Variants in KAT2B observed in about 807,000 individuals in gnomAD.
KAT2B encodes the protein histone acetyltransferase KAT2B.
A neutral mutation model predicts 105.9 loss-of-function variants in KAT2B; 36 were observed. That is an observed-to-expected ratio of 0.34 (90% CI 0.26 to 0.45). KAT2B has a LOEUF of 0.45. Ranked by LOEUF, KAT2B falls within the 20% of genes least tolerant of loss-of-function variation. KAT2B has a pLI of 1.00. For synonymous variants in KAT2B, 397 were observed against 377.9 expected, an observed-to-expected ratio of 1.05 and a Z score of -0.59; for missense variants, 820 against 1,021.6, an observed-to-expected ratio of 0.80 and a Z score of 2.69.
At chr3:20,061,377 TA>T (rs1698097531) in intron 1 of KAT2B, among the ~76,000 whole-genome samples, 1 of 152,184 alleles carries the variant, frequency 6.6e-6, no homozygotes, top group African/African-American at 2.4e-5. Flanking sequence ...ATTCATCTCT[TA>T]AGGGATGCTG....
chr3:20,121,736 G>A (rs1231052611), intron 8 of KAT2B, among the ~76,000 whole-genome samples: 1 of 31,656 alleles, frequency 3.2e-5, no homozygotes, highest in Non-Finnish European at 5.9e-5. Context: ...ATGCATATGT[G>A]TGTGTGTGTG....
At chr3:20,111,220 A>G (rs1313307274) in intron 5 of KAT2B, among the ~76,000 whole-genome samples, 4 of 152,208 alleles carry the variant, frequency 2.6e-5, no homozygotes, top group African/African-American at 9.7e-5. Context: ...ACAAGAACCC[A>G]ATGAAGTAGG....
chr3:20,095,517 C>A, intron 3 of KAT2B, 109 bp downstream of exon 3: 1 of 695,500 alleles, frequency 1.4e-6, no homozygotes, highest in Non-Finnish European at 2.4e-6. Context: ...ACATTTTGCC[C>A]TCAGAGTTTG....
intron 11 of KAT2B, among the ~76,000 whole-genome samples, chr3:20,133,436 A>G (rs1198407565): frequency 1.3e-5 from 2 of 152,150 alleles, no homozygotes; most frequent in Non-Finnish European, 2.9e-5. Flanking sequence ...TAATATTACC[A>G]TATTGGATAG....
intron 6 of KAT2B, among the ~76,000 whole-genome samples, 195 bp from the exon 7 acceptor site, chr3:20,114,687 A>G (rs1249045851): frequency 6.6e-6 from 1 of 152,156 alleles, no homozygotes; most frequent in Non-Finnish European, 1.5e-5. Flanking sequence ...AAGAGTAAAC[A>G]TTTGTATAAA....
At chr3:20,069,111 AAAAC>A (rs1698274333) in intron 1 of KAT2B, among the ~76,000 whole-genome samples, 1 of 152,230 alleles carries the variant, frequency 6.6e-6, no homozygotes, top group African/African-American at 2.4e-5. Flanking sequence ...TAACAAGAGA[AAAAC>A]AAAAACAAGT....
intron 7 of KAT2B, 48 bp from the exon 8 acceptor site, chr3:20,119,550 A>G (rs1225563686): frequency 6.2e-7 from 1 of 1,609,904 alleles, no homozygotes; most frequent in South Asian, 1.1e-5. Flanking sequence ...TTGTTACCTA[A>G]GAAAGGAGTC....
intron 9 of KAT2B, among the ~76,000 whole-genome samples, chr3:20,123,644 T>TGTTGTTGAAGGATCAGTTAGGG (rs1699350403): frequency 6.6e-6 from 1 of 152,210 alleles, no homozygotes; most frequent in Non-Finnish European, 1.5e-5. Context: ...TAACCTTTGT[T>TGTTGTTGAAGGATCAGTTAGGG]GTTGTTGAAG....
At chr3:20,046,898 C>A (rs1043215999) in intron 1 of KAT2B, among the ~76,000 whole-genome samples, 1 of 152,142 alleles carries the variant, frequency 6.6e-6, no homozygotes, top group Non-Finnish European at 1.5e-5. Flanking sequence ...CAACTGGCAA[C>A]TAGTGAGTGG....
intron 2 of KAT2B, among the ~76,000 whole-genome samples, chr3:20,090,854 C>G (rs187785398): frequency 6.6e-6 from 1 of 152,232 alleles, no homozygotes; most frequent in Non-Finnish European, 1.5e-5. Flanking sequence ...ATCCTCCAAC[C>G]TCAGCCTCCT....
chr3:20,052,632 C>T (rs764179147), intron 1 of KAT2B, among the ~76,000 whole-genome samples: 1 of 141,734 alleles, frequency 7.1e-6, no homozygotes, highest in African/African-American at 2.6e-5. Context: ...GCCTAGGCTA[C>T]GGAGAGAGAC....
intron 17 of KAT2B, among the ~76,000 whole-genome samples, chr3:20,149,500 A>AAAAAAAAAAAAAAAAAAAAC (rs1699835308): frequency 7.1e-6 from 1 of 141,076 alleles, no homozygotes; most frequent in African/African-American, 2.6e-5. Flanking sequence ...TATCTCAAAA[A>AAAAAAAAAAAAAAAAAAAAC]AAAAAAAAAA....
intron 5 of KAT2B, among the ~76,000 whole-genome samples, chr3:20,110,698 AAAAG>A (rs1278468159): frequency 1.8e-4 from 28 of 151,710 alleles, no homozygotes; most frequent in African/African-American, 5.3e-4. Flanking sequence ...AAAAGAAAGA[AAAAG>A]AAAGAAAAAG....
At chr3:20,151,734 T>C (rs1033180948) in intron 17 of KAT2B, among the ~76,000 whole-genome samples, 22 of 152,316 alleles carry the variant, frequency 1.4e-4, no homozygotes, top group African/African-American at 4.8e-4. Flanking sequence ...AAGGCTTACT[T>C]GCTTTAGAAA....
chr3:20,099,634 G>A (rs1356974841), intron 3 of KAT2B, among the ~76,000 whole-genome samples: 2 of 152,112 alleles, frequency 1.3e-5, no homozygotes, highest in Admixed American at 6.5e-5. Flanking sequence ...AACTCTGGCC[G>A]TGGACATGAA....
chr3:20,120,720 T>G (rs958878411), intron 8 of KAT2B, among the ~76,000 whole-genome samples: 1 of 152,204 alleles, frequency 6.6e-6, no homozygotes, highest in African/African-American at 2.4e-5. Flanking sequence ...AAAATATCTC[T>G]TGAGCCTAGA....
At chr3:20,122,851 C>A in intron 9 of KAT2B, 47 bp downstream of exon 9, 1 of 1,558,546 alleles carries the variant, frequency 6.4e-7, no homozygotes, top group South Asian at 1.2e-5. Flanking sequence ...CTCTTCTGCT[C>A]TCCTGGCCAC....
chr3:20,055,502 A>G (rs933140315), intron 1 of KAT2B, among the ~76,000 whole-genome samples: 2 of 152,174 alleles, frequency 1.3e-5, no homozygotes, highest in Non-Finnish European at 2.9e-5. Context: ...ATCCTTCTGC[A>G]GAAGGGACAC....
chr3:20,055,429 A>G (rs936110322), intron 1 of KAT2B, among the ~76,000 whole-genome samples: 20 of 152,224 alleles, frequency 1.3e-4, no homozygotes, highest in African/African-American at 4.6e-4. Context: ...TGCCTCGCAG[A>G]GAATGAAAAC....
Sources: allele counts gnomAD v4.1 joint callset (sites outside exome capture counted in the v4.1 genomes callset), GRCh38; gene constraint gnomAD v4.1.1; transcripts MANE v1.5; gene names NCBI Gene and HGNC (gene_info 2026-07-23, HGNC 2026-07-21).